CTNNA3: variants seen among roughly 807,000 people sequenced by gnomAD.
The protein encoded by CTNNA3 is catenin alpha-3.
In CTNNA3, 76 loss-of-function variants were observed where a neutral mutation model predicts 95.7. The observed-to-expected ratio is 0.79, with a 90% confidence interval of 0.66 to 0.96. CTNNA3 has a LOEUF of 0.96. CTNNA3 is among the 40% of genes least tolerant of loss of function. The pLI is 0.00. For synonymous variants in CTNNA3, 431 were observed against 374.4 expected (o/e 1.15, Z -1.74); for missense variants, 1,191 against 1,089.8 (o/e 1.09, Z -1.31).
Position 65,988,896 on chromosome 10 carries a change from C to T in CTNNA3, c.2160-99G>A, listed in dbSNP as rs923271484. The T allele has an allele frequency of 6.8e-6, 5 of 740,322 alleles. No individual in the cohort carries two copies. The African/African-American group carries it at 7.1e-5, about 10-fold the overall frequency. The allele number at this position is 740,322 out of a possible 1,614,324, so 45.9% of individuals were successfully genotyped here. ...AAATGTATTAATCTATGCGTCCATC[C>T]ATCCGCATATGTAAAATATTCGCAT... On this transcript the variant is annotated intron_variant, in intron 15 of 17. Coordinates refer to ENST00000433211, the MANE Select transcript of CTNNA3 (RefSeq NM_013266.4).
At chr10:65,929,777 C>CA (rs1248926444) in intron 17 of CTNNA3, among the ~76,000 whole-genome samples, 1 of 152,082 alleles carries the variant, frequency 6.6e-6, no homozygotes, top group African/African-American at 2.4e-5. Flanking sequence ...CCATATTGGT[C>CA]AGGCTGGTCT....
intron 9 of CTNNA3, among the ~76,000 whole-genome samples, chr10:66,700,021 G>A (rs1397709546): frequency 2.0e-5 from 3 of 151,766 alleles, no homozygotes; most frequent in South Asian, 2.1e-4. Flanking sequence ...TTGCTATTGT[G>A]TGAGTTTCTT....
intron 7 of CTNNA3, among the ~76,000 whole-genome samples, chr10:66,988,167 A>T (rs1850842857): frequency 6.6e-6 from 1 of 152,126 alleles, no homozygotes; most frequent in African/African-American, 2.4e-5. Context: ...GGCATCATAA[A>T]CTTGGATCAG....
chr10:67,290,487 T>C (rs1839792093), intron 5 of CTNNA3, among the ~76,000 whole-genome samples: 2 of 152,180 alleles, frequency 1.3e-5, no homozygotes, highest in East Asian at 1.9e-4. Flanking sequence ...ATAAAAATCA[T>C]GGCTAATATT....
chr10:67,619,536 A>C (rs1843759383), intron 2 of CTNNA3, among the ~76,000 whole-genome samples: 1 of 152,230 alleles, frequency 6.6e-6, no homozygotes, highest in South Asian at 2.1e-4. Context: ...CAGAAAGAGA[A>C]AATCATTTTC....
chr10:67,052,765 A>C (rs1278654406), intron 7 of CTNNA3: 1 of 152,212 alleles, frequency 6.6e-6, no homozygotes, highest in East Asian at 1.9e-4. Flanking sequence ...CAAACAAACA[A>C]AGAAACAAAC....
intron 5 of CTNNA3, among the ~76,000 whole-genome samples, chr10:67,328,580 AG>A (rs1841649377): frequency 6.6e-6 from 1 of 152,190 alleles, no homozygotes; most frequent in Non-Finnish European, 1.5e-5. Flanking sequence ...CTGTGGCAAA[AG>A]CAGTTTGCTC....
chr10:66,103,154 T>A lies in CTNNA3; in HGVS notation c.1977+3A>T. ...GGTTCTCCCACCAGTTGAAGTGACATACCCTATCAGTTTTCCCTTCGGTCT... is the reference window on the plus strand; with the variant it reads ...GGTTCTCCCACCAGTTGAAGTGACAAACCCTATCAGTTTTCCCTTCGGTCT... On this transcript the variant is annotated splice_donor_region_variant and intron_variant, in intron 14 of 17. Transcript: ENST00000433211. 1 of 1,611,496 alleles carries A rather than the reference T, an allele frequency of 6.2e-7. No homozygotes were observed.
intron 13 of CTNNA3, among the ~76,000 whole-genome samples, chr10:66,148,042 C>A (rs1258856130): frequency 1.3e-5 from 2 of 151,120 alleles, no homozygotes; most frequent in African/African-American, 4.9e-5. Context: ...TTTCCTATAT[C>A]CTTGATTGTA....
chr10:67,332,372 A>G (rs1841826579), intron 5 of CTNNA3, among the ~76,000 whole-genome samples: 1 of 152,214 alleles, frequency 6.6e-6, no homozygotes, highest in African/African-American at 2.4e-5. Context: ...AAATTCACTT[A>G]AAGAAGGTGA....
intron 5 of CTNNA3, among the ~76,000 whole-genome samples, chr10:67,305,377 T>TAAAAAAAAAAAAAAA (rs1564551353): frequency 1.3e-5 from 1 of 79,750 alleles, no homozygotes; most frequent in African/African-American, 5.9e-5. Context: ...AAAAAAAAAA[T>TAAAAAAAAAAAAAAA]TAAAAAAAAA....
chr10:67,521,554 A>G (rs1010212818), intron 5 of CTNNA3, among the ~76,000 whole-genome samples: 5 of 152,140 alleles, frequency 3.3e-5, no homozygotes, highest in Non-Finnish European at 5.9e-5. Context: ...ATGCCTCTGA[A>G]GCGTCCCTAG....
chr10:66,192,741 C>T (rs542828201), intron 13 of CTNNA3, among the ~76,000 whole-genome samples: 2 of 152,206 alleles, frequency 1.3e-5, no homozygotes, highest in African/African-American at 4.8e-5. Flanking sequence ...TTTCTTTACC[C>T]CTTTCCCAAA....
intron 13 of CTNNA3, among the ~76,000 whole-genome samples, chr10:66,148,684 C>T (rs1470887265): frequency 6.6e-6 from 1 of 151,054 alleles, no homozygotes; most frequent in Non-Finnish European, 1.5e-5. Context: ...GGTCTTTGAA[C>T]TTGTACTTCT....
chr10:65,969,962 A>T (rs563077219), intron 16 of CTNNA3, among the ~76,000 whole-genome samples: 53 of 152,260 alleles, frequency 3.5e-4, no homozygotes, highest in African/African-American at 1.3e-3. Flanking sequence ...TCACCAAGGC[A>T]TATAATCACC....
intron 13 of CTNNA3, among the ~76,000 whole-genome samples, chr10:66,260,147 T>C (rs2090945754): frequency 6.6e-6 from 1 of 152,156 alleles, no homozygotes; most frequent in Non-Finnish European, 1.5e-5. Context: ...AGAACAACTG[T>C]TTATTCTTCT....
At chr10:66,904,395 A>T (rs1845895073) in intron 7 of CTNNA3, among the ~76,000 whole-genome samples, 1 of 152,238 alleles carries the variant, frequency 6.6e-6, no homozygotes, top group Non-Finnish European at 1.5e-5. Flanking sequence ...TAAATGTAAG[A>T]CCTAAAACCC....
chr10:67,439,476 G>A (rs1163701374), intron 5 of CTNNA3, among the ~76,000 whole-genome samples: 1 of 151,928 alleles, frequency 6.6e-6, no homozygotes, highest in Non-Finnish European at 1.5e-5. Flanking sequence ...AGAGGGGGAA[G>A]GTGCTACACA....
intron 9 of CTNNA3, among the ~76,000 whole-genome samples, chr10:66,636,908 T>C (rs1217813289): frequency 6.6e-6 from 1 of 152,208 alleles, no homozygotes; most frequent in Non-Finnish European, 1.5e-5. Flanking sequence ...GTGTATACTA[T>C]GCTAAACGAG....
Sources: gnomAD v4.1 joint callset for allele counts (sites outside exome capture counted in the v4.1 genomes callset) on GRCh38, gnomAD v4.1.1 for gene constraint, MANE v1.5 for transcripts, NCBI Gene and HGNC (gene_info 2026-07-23, HGNC 2026-07-21) for gene names.